Variants in MACROD2 observed in about 807,000 individuals in gnomAD.
MACROD2 encodes the protein mono-ADP ribosylhydrolase 2.
Under a neutral mutation model 70.4 loss-of-function variants are expected in MACROD2, and 36 were observed. The observed-to-expected ratio is 0.51, with a 90% confidence interval of 0.39 to 0.68. The LOEUF is 0.68. Ranked by LOEUF, MACROD2 falls within the 30% of genes least tolerant of loss-of-function variation. MACROD2 has a pLI of 0.00. For missense variants in MACROD2, 496 were observed against 538.4 expected (o/e 0.92, Z 0.78); for synonymous variants, 172 against 178.8 (o/e 0.96, Z 0.30).
chr20:15,106,305 G>A (rs1403804819), intron 5 of MACROD2, among the ~76,000 whole-genome samples: 2 of 151,962 alleles, frequency 1.3e-5, no homozygotes, highest in Non-Finnish European at 2.9e-5. Context: ...ATTTTAAGAT[G>A]TAGGCTTTAC....
At chr20:15,348,074 AT>A (rs1428969707) in intron 6 of MACROD2, among the ~76,000 whole-genome samples, 4 of 152,184 alleles carry the variant, frequency 2.6e-5, no homozygotes, top group African/African-American at 9.7e-5. Context: ...TGATGACACT[AT>A]GTGATAGTGT....
intron 3 of MACROD2, among the ~76,000 whole-genome samples, chr20:14,476,733 T>C (rs62204435): frequency 0.15 from 22,750 of 152,222 alleles, 2,415 homozygotes; most frequent in Non-Finnish European, 0.22. Flanking sequence ...GCAGAAACAG[T>C]GAGCAATATC....
At chr20:14,308,705 T>C (rs1438902727) in intron 3 of MACROD2, among the ~76,000 whole-genome samples, 2 of 152,164 alleles carry the variant, frequency 1.3e-5, no homozygotes, top group African/African-American at 4.8e-5. Flanking sequence ...CTGCCACATA[T>C]TACAGTGTCT....
chr20:14,530,229 G>C (rs1304896280), intron 4 of MACROD2, among the ~76,000 whole-genome samples: 2 of 152,114 alleles, frequency 1.3e-5, no homozygotes, highest in Non-Finnish European at 2.9e-5. Context: ...CAGCTTGTGG[G>C]GAAGCTTTCA....
intron 12 of MACROD2, among the ~76,000 whole-genome samples, chr20:15,960,802 G>A (rs2066049085): frequency 6.6e-6 from 1 of 152,110 alleles, no homozygotes; most frequent in African/African-American, 2.4e-5. Context: ...CTCTGTACTG[G>A]CACCATCGGC....
intron 5 of MACROD2, among the ~76,000 whole-genome samples, chr20:15,189,918 G>A (rs1372632564): frequency 6.6e-6 from 1 of 151,866 alleles, no homozygotes; most frequent in African/African-American, 2.4e-5. Context: ...TCTTTTGAAG[G>A]TGCATTAACC....
At chr20:14,823,217 A>T (rs1257446030) in intron 5 of MACROD2, among the ~76,000 whole-genome samples, 1 of 152,098 alleles carries the variant, frequency 6.6e-6, no homozygotes, top group Non-Finnish European at 1.5e-5. Context: ...CCCTATTTGT[A>T]ACTTGTTGAT....
At chr20:15,068,631 T>A (rs1253152810) in intron 5 of MACROD2, among the ~76,000 whole-genome samples, 1 of 152,164 alleles carries the variant, frequency 6.6e-6, no homozygotes, top group Non-Finnish European at 1.5e-5. Context: ...TGTGACATGC[T>A]GGCTCCCCCT....
At chr20:15,427,003 CCT>C (rs2046306642) in intron 6 of MACROD2, among the ~76,000 whole-genome samples, 1 of 147,944 alleles carries the variant, frequency 6.8e-6, no homozygotes, top group South Asian at 2.1e-4. Context: ...TCTCTCTCTC[CCT>C]GTCTCTCTCT....
At chr20:16,011,360 G>A (rs1422245467) in intron 15 of MACROD2, among the ~76,000 whole-genome samples, 1 of 152,194 alleles carries the variant, frequency 6.6e-6, no homozygotes, top group Non-Finnish European at 1.5e-5. Flanking sequence ...GCTGAAAGTG[G>A]CTTCTGCCTG....
intron 8 of MACROD2, among the ~76,000 whole-genome samples, chr20:15,802,758 A>C (rs1004405680): frequency 4.5e-4 from 68 of 152,244 alleles, no homozygotes; most frequent in African/African-American, 1.6e-3. Flanking sequence ...AAACAAAATA[A>C]ATAAACTGCT....
chr20:14,318,404 A>G (rs2082631219), intron 3 of MACROD2, among the ~76,000 whole-genome samples: 1 of 152,208 alleles, frequency 6.6e-6, no homozygotes, highest in Non-Finnish European at 1.5e-5. Flanking sequence ...GTTTATTTCT[A>G]ATCTCATTCT....
intron 3 of MACROD2, among the ~76,000 whole-genome samples, chr20:14,381,687 A>T (rs2122774495): frequency 6.6e-6 from 1 of 152,338 alleles, no homozygotes; most frequent in Middle Eastern, 3.4e-3. Context: ...TGCATGAAGA[A>T]TATGTGTGCT....
intron 6 of MACROD2, among the ~76,000 whole-genome samples, chr20:15,324,476 A>G (rs2146177351): frequency 6.6e-6 from 1 of 152,266 alleles, no homozygotes; most frequent in South Asian, 2.1e-4. Context: ...GTTTTGTATG[A>G]GCTTTCTCTA....
chr20:14,888,790 A>G (rs1233895682), intron 5 of MACROD2: 1 of 152,182 alleles, frequency 6.6e-6, no homozygotes, highest in Non-Finnish European at 1.5e-5. Context: ...CATGTATAAC[A>G]AAACAATCTA....
intron 8 of MACROD2, among the ~76,000 whole-genome samples, chr20:15,572,589 G>T (rs568517021): frequency 6.6e-6 from 1 of 151,940 alleles, no homozygotes; most frequent in Admixed American, 6.6e-5. Context: ...TAGTTTATTT[G>T]GTTTGTTTAT....
chr20:14,517,129 G>A (rs2085110295), intron 4 of MACROD2, among the ~76,000 whole-genome samples: 1 of 152,140 alleles, frequency 6.6e-6, no homozygotes, highest in South Asian at 2.1e-4. Flanking sequence ...AGACAGTATG[G>A]CAATCCCTTA....
chr20:14,587,391 GAATT>G (rs1981456079), intron 4 of MACROD2, among the ~76,000 whole-genome samples: 1 of 151,512 alleles, frequency 6.6e-6, no homozygotes, highest in Non-Finnish European at 1.5e-5. Context: ...ATTTTTCAAT[GAATT>G]AATTATTATT....
At chr20:14,675,414 A>G (rs1314997171) in intron 4 of MACROD2, among the ~76,000 whole-genome samples, 5 of 152,204 alleles carry the variant, frequency 3.3e-5, no homozygotes, top group East Asian at 3.9e-4. Context: ...ATTCTTATAG[A>G]AAAGAATTTT....
Sources: allele counts gnomAD v4.1 joint callset (sites outside exome capture counted in the v4.1 genomes callset), GRCh38; gene constraint gnomAD v4.1.1; transcripts MANE v1.5; gene names NCBI Gene and HGNC (gene_info 2026-07-23, HGNC 2026-07-21).